Variants in CHKA observed in about 807,000 individuals in gnomAD.
CHKA encodes choline kinase alpha.
Under a neutral mutation model 60.1 loss-of-function variants are expected in CHKA, and 34 were observed. The ratio of observed to expected loss-of-function variants is 0.57; its 90% CI spans 0.43 to 0.75. The LOEUF (loss-of-function observed/expected upper bound fraction) is 0.75. Ranked by LOEUF, CHKA falls within the 30% of genes least tolerant of loss-of-function variation. The pLI, the probability that CHKA is intolerant of heterozygous loss-of-function variation, is 0.00. For synonymous variants in CHKA, 217 were observed against 223.1 expected (o/e 0.97, Z 0.24); for missense variants, 563 against 561.3 (o/e 1.00, Z -0.03).
chr11:68,097,540 G>A (rs746087670), intron 1 of CHKA, among the ~76,000 whole-genome samples: 13 of 150,644 alleles, frequency 8.6e-5, no homozygotes, highest in Non-Finnish European at 1.8e-4. Context: ...GGAGGCTGAG[G>A]CAGGAGAATG....
intron 4 of CHKA, among the ~76,000 whole-genome samples, chr11:68,072,921 G>C (rs1280976328): frequency 5.3e-5 from 8 of 152,194 alleles, no homozygotes; most frequent in Admixed American, 4.6e-4. Flanking sequence ...CTTGAGTCCA[G>C]GAGTTCGAGG....
At chr11:68,074,686 T>C (rs1590846842) in intron 4 of CHKA, 31 bp downstream of exon 4, 1 of 1,592,832 alleles carries the variant, frequency 6.3e-7, no homozygotes, top group Non-Finnish European at 8.6e-7. Context: ...CTGTGGCATA[T>C]GTCAACTAAG....
chr11:68,084,204 G>A (rs1353493448), intron 2 of CHKA, among the ~76,000 whole-genome samples: 4 of 146,214 alleles, frequency 2.7e-5, no homozygotes, highest in African/African-American at 7.6e-5. Flanking sequence ...CCAAGATCAC[G>A]CCACTGCACT....
chr11:68,061,887 A>C (rs1658074177), intron 11 of CHKA, 66 bp downstream of exon 11: 1 of 1,134,748 alleles, frequency 8.8e-7, no homozygotes, highest in Admixed American at 2.2e-5. Context: ...AACATTCACA[A>C]ATACTATAGC....
At chr11:68,070,934 C>T (rs534393411) in intron 4 of CHKA, 77 bp from the exon 5 acceptor site, 8 of 1,454,432 alleles carry the variant, frequency 5.5e-6, no homozygotes, top group Admixed American at 3.6e-5. Flanking sequence ...GTCTTAGGAA[C>T]GAGAAGTGTT....
intron 4 of CHKA, among the ~76,000 whole-genome samples, chr11:68,071,909 T>G (rs958629830): frequency 6.6e-5 from 10 of 152,162 alleles, no homozygotes; most frequent in African/African-American, 1.2e-4. Context: ...AGCATTGGAC[T>G]CAACCTTCTA....
At position 68,053,686 on chromosome 11, in the gene CHKA, T is replaced by G. The variant is rs1289187029; in HGVS notation, c.*302A>C. 8.9e-6 allele frequency: 3 copies of G among 337,618 alleles called. No individual in the cohort carries two copies. The highest frequency in any genetic ancestry group is 1.6e-5 in the Non-Finnish European group (3 of 182,036). 20.9% of individuals were successfully genotyped at this position (337,618 alleles called of 1,614,324 possible). On this transcript the variant is annotated 3_prime_UTR_variant, in exon 12 of 12. Coordinates refer to ENST00000265689, the MANE Select transcript of CHKA (RefSeq NM_001277.3). ...ACTCTTGCTGTTTGCCTCATCTGAC[T>G]GGAAACCTTAGCCCCCAAATATGAA...
chr11:68,079,105 T>C (rs1555008026), intron 3 of CHKA, among the ~76,000 whole-genome samples: 1 of 151,604 alleles, frequency 6.6e-6, no homozygotes, highest in Non-Finnish European at 1.5e-5. Context: ...AGCTTATTTT[T>C]GTATTTTTAG....
At chr11:68,078,032 C>T (rs910182881) in intron 3 of CHKA, among the ~76,000 whole-genome samples, 1 of 152,100 alleles carries the variant, frequency 6.6e-6, no homozygotes, top group African/African-American at 2.4e-5. Flanking sequence ...GTTTACAGCT[C>T]ACAAACTGGG....
At chr11:68,084,562 A>G (rs953068117) in intron 2 of CHKA, among the ~76,000 whole-genome samples, 1 of 151,078 alleles carries the variant, frequency 6.6e-6, no homozygotes, top group African/African-American at 2.4e-5. Flanking sequence ...ACTTTTCTCT[A>G]ACAAGTTAAT....
At chr11:68,090,552 A>G (rs901538431) in intron 2 of CHKA, among the ~76,000 whole-genome samples, 3 of 152,154 alleles carry the variant, frequency 2.0e-5, no homozygotes, top group African/African-American at 7.2e-5. Context: ...GTTATTCCAT[A>G]TTTTATTGTG....
At chr11:68,113,412 C>G (rs1332586091) in intron 1 of CHKA, among the ~76,000 whole-genome samples, 1 of 151,994 alleles carries the variant, frequency 6.6e-6, no homozygotes, top group Non-Finnish European at 1.5e-5. Context: ...AAATAAGATA[C>G]CTGACTGGGC....
chr11:68,081,459 T>C lies in CHKA; in HGVS notation c.463-2A>G. 6.2e-7 allele frequency: 1 copy of C among 1,612,122 alleles called. No homozygotes were observed. The highest frequency in any genetic ancestry group is 8.5e-7 in the Non-Finnish European group (1 of 1,178,282). Reference sequence around the variant, plus strand: ...GGATCCCTCTTTATTACAGGACCTCTATGAATGAGAAAAAGGAAACACTTC... The same window carrying C: ...GGATCCCTCTTTATTACAGGACCTCCATGAATGAGAAAAAGGAAACACTTC... On this transcript the variant is annotated splice_acceptor_variant, in intron 2 of 11. Coordinates refer to ENST00000265689, the MANE Select transcript of CHKA (RefSeq NM_001277.3). LOFTEE classifies it high-confidence loss of function.
intron 2 of CHKA, among the ~76,000 whole-genome samples, chr11:68,092,880 T>C (rs147215619): frequency 7.5e-4 from 114 of 152,278 alleles, no homozygotes; most frequent in African/African-American, 2.7e-3. Flanking sequence ...GATTCCCACC[T>C]AAGAAGCAAA....
intron 11 of CHKA, among the ~76,000 whole-genome samples, chr11:68,054,544 C>G (rs557376461): frequency 1.3e-5 from 2 of 152,314 alleles, no homozygotes; most frequent in African/African-American, 4.8e-5. Context: ...GAAAACCCGG[C>G]TTGGTGTTCT....
At chr11:68,068,754 T>C (rs1856523412) in intron 7 of CHKA, 125 bp downstream of exon 7, 11 of 624,648 alleles carry the variant, frequency 1.8e-5, no homozygotes, top group Non-Finnish European at 2.9e-5. Flanking sequence ...CCTCATTGTC[T>C]GGTTGTATCA....
rs1411628235 is a variant in CHKA, at chr11:68,065,820, G to C, written c.1091C>G (p.Ala364Gly). Reference sequence around the variant, plus strand: ...CTTGGTGGGATACTTCCGGATGTTTGCTCTGAAAAAAGGGTATTTTTCATA... The same window carrying C: ...CTTGGTGGGATACTTCCGGATGTTTCCTCTGAAAAAAGGGTATTTTTCATA... Reference protein sequence around the residue: ...YSYEKYPFFRANIRKYPTKKQ... With the variant: ...YSYEKYPFFRGNIRKYPTKKQ... The change falls in exon 9 of 12, where the codon GCA becomes GGA. Residue 364 changes from alanine to glycine, a missense_variant. Physicochemically the swap from Ala to Gly is moderately conservative, Grantham distance 60 (BLOSUM62 0). Transcript: ENST00000265689. 1 of 1,605,426 alleles carries C rather than the reference G, an allele frequency of 6.2e-7. No homozygotes were observed. Among genetic ancestry groups the C allele is most frequent in the Admixed American group, 1.7e-5 (1 of 59,884 alleles).
At chr11:68,113,261 T>C (rs749116406) in intron 1 of CHKA, among the ~76,000 whole-genome samples, 2 of 151,416 alleles carry the variant, frequency 1.3e-5, no homozygotes. Context: ...GCCTGAGCAA[T>C]GTAGCAAGAC....
At chr11:68,086,094 C>T (rs1186777276) in intron 2 of CHKA, among the ~76,000 whole-genome samples, 1 of 152,124 alleles carries the variant, frequency 6.6e-6, no homozygotes, top group Admixed American at 6.5e-5. Context: ...GCAGGCGGAT[C>T]ACGAGGTCAA....
Sources: allele counts gnomAD v4.1 joint callset (sites outside exome capture counted in the v4.1 genomes callset), GRCh38; gene constraint gnomAD v4.1.1; transcripts MANE v1.5; gene names NCBI Gene and HGNC (gene_info 2026-07-23, HGNC 2026-07-21).